The following FAF1 variants were observed in gnomAD, a reference collection of about 807,000 sequenced individuals.
FAF1 encodes the protein FAS-associated factor 1.
FAF1 carries 25 observed loss-of-function variants against 92.5 expected under a neutral mutation model. That is an observed-to-expected ratio of 0.27 (90% CI 0.20 to 0.38). The LOEUF (loss-of-function observed/expected upper bound fraction) is 0.38, where lower values mean the gene tolerates loss of function less well. Ranked by LOEUF, FAF1 falls within the 10% of genes least tolerant of loss-of-function variation. FAF1 has a pLI of 1.00. For missense variants in FAF1, 636 were observed against 793.3 expected (o/e 0.80, Z 2.38); for synonymous variants, 234 against 273.2 (o/e 0.86, Z 1.42).
At chr1:50,836,696 T>C (rs951437661) in intron 2 of FAF1, among the ~76,000 whole-genome samples, 1 of 152,134 alleles carries the variant, frequency 6.6e-6, no homozygotes, top group African/African-American at 2.4e-5. Flanking sequence ...TGAAGGTAAA[T>C]TGCAACCTTA....
At chr1:50,539,751 G>T in intron 13 of FAF1, 23 bp from the exon 14 acceptor site, 2 of 1,590,782 alleles carry the variant, frequency 1.3e-6, no homozygotes, top group Non-Finnish European at 1.7e-6. Context: ...AAAATACAAA[G>T]TAAGTTTTGC....
intron 6 of FAF1, among the ~76,000 whole-genome samples, chr1:50,708,990 T>C (rs1238437754): frequency 6.6e-6 from 1 of 152,198 alleles, no homozygotes; most frequent in African/African-American, 2.4e-5. Flanking sequence ...ATGGGGTCAA[T>C]GATCAATATA....
At chr1:50,768,446 T>C (rs1302560396) in intron 4 of FAF1, among the ~76,000 whole-genome samples, 1 of 151,970 alleles carries the variant, frequency 6.6e-6, no homozygotes, top group Middle Eastern at 3.2e-3. Context: ...CTGACAGATA[T>C]CTACAGAACT....
At chr1:50,577,680 G>C (rs926697077) in intron 12 of FAF1, among the ~76,000 whole-genome samples, 1 of 152,148 alleles carries the variant, frequency 6.6e-6, no homozygotes, top group Admixed American at 6.6e-5. Flanking sequence ...GCAAAAGCAG[G>C]AAACCTCTAT....
At chr1:50,620,523 A>T (rs1653144376) in intron 8 of FAF1, among the ~76,000 whole-genome samples, 1 of 152,186 alleles carries the variant, frequency 6.6e-6, no homozygotes, top group East Asian at 1.9e-4. Flanking sequence ...CACTTCGTTG[A>T]CATCCAGATT....
chr1:50,727,799 C>A (rs964889851), intron 6 of FAF1, among the ~76,000 whole-genome samples: 2 of 152,102 alleles, frequency 1.3e-5, no homozygotes, highest in African/African-American at 4.8e-5. Flanking sequence ...TAAAGCAGGC[C>A]GACTCCAAGT....
chr1:50,752,872 T>C (rs1413445712), intron 4 of FAF1, among the ~76,000 whole-genome samples: 23 of 151,784 alleles, frequency 1.5e-4, no homozygotes, highest in Admixed American at 1.4e-3. Context: ...TCAGTAGAGA[T>C]GGGGTTTCAC....
In FAF1 at chr1:50,739,057, T is replaced by A. The variant is rs116827723; in HGVS notation, c.460-103A>T. 990 of 727,616 alleles carry A rather than the reference T, an allele frequency of 1.4e-3. 9 individuals are homozygous for A. The African/African-American group carries it at 0.015, about 11-fold the overall frequency. 45.1% of individuals were successfully genotyped at this position (727,616 alleles called of 1,614,324 possible). A position where few individuals can be genotyped will look rare whatever the true frequency, so the allele number is the denominator to read the frequency against. ...AAATTGTTAATTTTGTAGTTTTTTTTATCTTTTGATAATTTCCTAAATAGG... is the reference window on the plus strand; with the variant it reads ...AAATTGTTAATTTTGTAGTTTTTTTAATCTTTTGATAATTTCCTAAATAGG... On this transcript the variant is annotated intron_variant, in intron 5 of 18. Transcript: ENST00000396153.
chr1:50,703,436 C>T (rs557739833), intron 7 of FAF1, among the ~76,000 whole-genome samples: 1 of 152,084 alleles, frequency 6.6e-6, no homozygotes, highest in East Asian at 1.9e-4. Flanking sequence ...AGAACTAGGC[C>T]CAGAGAGGTC....
chr1:50,505,747 G>A (rs1210948207), intron 15 of FAF1, among the ~76,000 whole-genome samples: 7 of 152,130 alleles, frequency 4.6e-5, no homozygotes, highest in Non-Finnish European at 8.8e-5. Context: ...TGGTCCCCAA[G>A]GCCAAAAATA....
intron 18 of FAF1, among the ~76,000 whole-genome samples, chr1:50,473,787 A>G (rs573282755): frequency 1.3e-5 from 2 of 152,270 alleles, no homozygotes; most frequent in Non-Finnish European, 2.9e-5. Context: ...AAGTGGCAAG[A>G]TCCTCATTCC....
At chr1:50,798,938 G>A (rs1377015025) in intron 3 of FAF1, among the ~76,000 whole-genome samples, 1 of 152,042 alleles carries the variant, frequency 6.6e-6, no homozygotes, top group Non-Finnish European at 1.5e-5. Context: ...GGAGTGCAGT[G>A]GTGCAATCTT....
At chr1:50,539,569 T>C (rs769980405) in intron 14 of FAF1, 23 bp downstream of exon 14, 4 of 1,587,920 alleles carry the variant, frequency 2.5e-6, no homozygotes, top group Non-Finnish European at 3.4e-6. Flanking sequence ...AAGGCTTTAC[T>C]CTCCTTGTGA....
At chr1:50,544,803 C>A (rs1648932999) in intron 13 of FAF1, among the ~76,000 whole-genome samples, 2 of 152,004 alleles carry the variant, frequency 1.3e-5, no homozygotes, top group African/African-American at 4.8e-5. Context: ...GAAACGCTGA[C>A]ATTTGATCAA....
chr1:50,601,644 T>G (rs746034384), intron 8 of FAF1, among the ~76,000 whole-genome samples: 127 of 152,176 alleles, frequency 8.3e-4, no homozygotes, highest in Middle Eastern at 6.8e-3. Flanking sequence ...ATTGAGCCGC[T>G]GCACTCCAGC....
chr1:50,901,912 G>A (rs1022278337), intron 1 of FAF1, among the ~76,000 whole-genome samples: 2 of 152,112 alleles, frequency 1.3e-5, no homozygotes, highest in Non-Finnish European at 2.9e-5. Flanking sequence ...CAATCACATG[G>A]TTTAGAAGTA....
intron 7 of FAF1, among the ~76,000 whole-genome samples, chr1:50,669,761 T>C (rs957887229): frequency 1.2e-4 from 18 of 152,366 alleles, no homozygotes; most frequent in African/African-American, 3.8e-4. Flanking sequence ...CTGTCCAATA[T>C]AGTGGCCATT....
chr1:50,597,729 C>T (rs1209300349), intron 8 of FAF1, among the ~76,000 whole-genome samples: 1 of 152,040 alleles, frequency 6.6e-6, no homozygotes, highest in Non-Finnish European at 1.5e-5. Context: ...TTTAATTGTT[C>T]TTGTCAGCTG....
rs1467906306 is a variant in FAF1, at chr1:50,758,667, G to A, written c.368-13892C>T. On this transcript the variant is annotated intron_variant, in intron 4 of 18. Coordinates refer to ENST00000396153, the MANE Select transcript of FAF1 (RefSeq NM_007051.3). Reference sequence around the variant, plus strand: ...GTTATCGTTTTCTTTCAGGCTGCCTGGGTGCTTACTTTAACATCTCTTATA... The same window carrying A: ...GTTATCGTTTTCTTTCAGGCTGCCTAGGTGCTTACTTTAACATCTCTTATA... 2.6e-5 allele frequency among the ~76,000 whole-genome samples: 4 copies of A among 152,152 alleles called. No individual in the cohort carries two copies. In the East Asian group the frequency reaches 7.7e-4, roughly 29 times the overall value.
Sources: allele counts gnomAD v4.1 joint callset (sites outside exome capture counted in the v4.1 genomes callset), GRCh38; gene constraint gnomAD v4.1.1; transcripts MANE v1.5; gene names NCBI Gene and HGNC (gene_info 2026-07-23, HGNC 2026-07-21).